STK26: variants seen among roughly 807,000 people sequenced by gnomAD.
STK26 encodes serine/threonine kinase 26.
In STK26, 14 loss-of-function variants were observed where a neutral mutation model predicts 34.7. The ratio of observed to expected loss-of-function variants is 0.40; its 90% CI spans 0.27 to 0.63. The LOEUF is 0.63. Ranked by LOEUF, STK26 falls within the 30% of genes least tolerant of loss-of-function variation. The probability of loss-of-function intolerance (pLI) is 0.38; values close to 1 mark genes in which losing one functional copy is unlikely to be tolerated. For missense variants in STK26, 226 were observed against 309.1 expected (o/e 0.73, Z 2.02); for synonymous variants, 100 against 109.8 (o/e 0.91, Z 0.56).
At chrX:132,040,950 G>A (rs770667694) in intron 2 of STK26, among the ~76,000 whole-genome samples, 155 of 111,784 alleles carry the variant, frequency 1.4e-3, no homozygotes, top group African/African-American at 4.6e-3. Flanking sequence ...GAATGAAAAT[G>A]ACCATCAGGC....
intron 2 of STK26, among the ~76,000 whole-genome samples, chrX:132,034,053 A>G: frequency 9.3e-6 from 1 of 107,642 alleles, no homozygotes; most frequent in Non-Finnish European, 1.9e-5. Context: ...ATGTATACAT[A>G]TGTAACTAAC....
chrX:132,073,841 A>C (rs1486565462), intron 11 of STK26, among the ~76,000 whole-genome samples: 3 of 111,358 alleles, frequency 2.7e-5, no homozygotes, highest in Admixed American at 9.6e-5. Flanking sequence ...ACACACTCTC[A>C]AAGATCTTTC....
chrX:132,050,774 T>C (rs764213667), intron 2 of STK26, among the ~76,000 whole-genome samples: 3 of 112,009 alleles, frequency 2.7e-5, no homozygotes, highest in Non-Finnish European at 5.6e-5. Flanking sequence ...ACTTTTAATG[T>C]ACAGAATTAG....
At chrX:132,036,482 C>A (rs929538074) in intron 2 of STK26, among the ~76,000 whole-genome samples, 1 of 111,514 alleles carries the variant, frequency 9.0e-6, no homozygotes, top group African/African-American at 3.3e-5. Flanking sequence ...ATAATCCCAG[C>A]TGCTCATGAG....
At chrX:132,030,285 C>A (rs952966870) in intron 2 of STK26, among the ~76,000 whole-genome samples, 5 of 110,388 alleles carry the variant, frequency 4.5e-5, no homozygotes, top group Non-Finnish European at 9.5e-5. Flanking sequence ...TGATTTCAGG[C>A]AAATTTGTTT....
intron 2 of STK26, among the ~76,000 whole-genome samples, chrX:132,051,125 G>C (rs745400517): frequency 2.8e-4 from 31 of 111,852 alleles, no homozygotes; most frequent in Non-Finnish European, 4.5e-4. Flanking sequence ...ATCCAAGAAG[G>C]CTTCTTCTAT....
chrX:132,069,057 C>T (rs183157114), intron 6 of STK26, among the ~76,000 whole-genome samples: 54 of 110,191 alleles, frequency 4.9e-4, no homozygotes, highest in African/African-American at 1.7e-3. Context: ...TTGCAACACC[C>T]TTCCCCCCAT....
chrX:132,055,572 G>A (rs1020011094), intron 3 of STK26: 103 of 991,342 alleles, frequency 1.0e-4, no homozygotes, highest in Non-Finnish European at 1.4e-4. Flanking sequence ...GTCAGGATTC[G>A]TGTCTGTTGA....
rs1246113021 is a variant in STK26, at chrX:132,063,459, A to G, written c.300A>G (p.Glu100=). Residue 100 remains glutamate, a synonymous_variant, in exon 4 of 12, where the codon GAA becomes GAG. Transcript: ENST00000394334. ...LKGSKLWIIM[E]YLGGGSALDL... is the part of the protein sequence containing the mutation. ...GGTCTAAATTATGGATAATAATGGAATACCTGGGCGGTGGTTCAGCACTGG... is the reference window on the plus strand; with the variant it reads ...GGTCTAAATTATGGATAATAATGGAGTACCTGGGCGGTGGTTCAGCACTGG... The G allele has an allele frequency of 8.3e-7, 1 of 1,207,896 alleles. No homozygotes were observed. The highest frequency in any genetic ancestry group is 1.7e-5 in the African/African-American group (1 of 57,309).
intron 11 of STK26, among the ~76,000 whole-genome samples, chrX:132,073,772 C>A (rs1927502644): frequency 9.0e-6 from 1 of 111,685 alleles, no homozygotes; most frequent in Admixed American, 9.5e-5. Flanking sequence ...CTTTATATTT[C>A]TTTGTGTTTG....
chrX:132,045,593 T>TAA (rs1337737296), intron 2 of STK26, among the ~76,000 whole-genome samples: 2 of 112,191 alleles, frequency 1.8e-5, no homozygotes, highest in East Asian at 5.6e-4. Flanking sequence ...CTGTAGTACT[T>TAA]ATGAGAAACC....
At chrX:132,065,127 A>T (rs1569335286) in intron 4 of STK26, among the ~76,000 whole-genome samples, 1 of 110,747 alleles carries the variant, frequency 9.0e-6, no homozygotes, top group Non-Finnish European at 1.9e-5. Flanking sequence ...GCCTGAGTTC[A>T]TTTTTTTTCT....
At chrX:132,024,508 G>A (rs2124114486) in intron 2 of STK26, among the ~76,000 whole-genome samples, 1 of 111,594 alleles carries the variant, frequency 9.0e-6, no homozygotes, top group South Asian at 3.7e-4. Context: ...TATCTGCTAA[G>A]TGTTATCCAA....
intron 3 of STK26, among the ~76,000 whole-genome samples, chrX:132,059,797 G>A (rs1413694581): frequency 1.8e-5 from 2 of 110,490 alleles, no homozygotes; most frequent in African/African-American, 3.3e-5. Context: ...AAAAAAAAAA[G>A]AATTGAATGA....
chrX:132,045,390 G>A (rs1926464255), intron 2 of STK26, among the ~76,000 whole-genome samples: 1 of 111,765 alleles, frequency 8.9e-6, no homozygotes, highest in African/African-American at 3.3e-5. Flanking sequence ...ATGAAGGAAG[G>A]GGAACAAAGG....
intron 10 of STK26, 29 bp downstream of exon 10, chrX:132,072,904 T>C (rs376405273): frequency 1.3e-5 from 16 of 1,205,541 alleles, no homozygotes; most frequent in Non-Finnish European, 1.8e-5. Flanking sequence ...GCCTTGGATA[T>C]CTGTGTTAAG....
At chrX:132,063,621 T>C (rs1048355670) in intron 4 of STK26, 132 bp downstream of exon 4, 1 of 527,555 alleles carries the variant, frequency 1.9e-6, no homozygotes, top group African/African-American at 2.4e-5. Context: ...CAAATTAAAT[T>C]CTTTTTTCAT....
chrX:132,043,862 A>G (rs1434701431), intron 2 of STK26, among the ~76,000 whole-genome samples: 1 of 111,650 alleles, frequency 9.0e-6, no homozygotes, highest in Non-Finnish European at 1.9e-5. Flanking sequence ...TTCTTTGAGT[A>G]TAGCTCCGTA....
intron 3 of STK26, 88 bp downstream of exon 3, chrX:132,054,949 T>G: frequency 1.2e-6 from 1 of 843,046 alleles, no homozygotes; most frequent in Non-Finnish European, 1.7e-6. Context: ...ATGTCTTAAA[T>G]TAGGATTTGG....
Sources: allele counts gnomAD v4.1 joint callset (sites outside exome capture counted in the v4.1 genomes callset), GRCh38; gene constraint gnomAD v4.1.1; transcripts MANE v1.5; gene names NCBI Gene and HGNC (gene_info 2026-07-23, HGNC 2026-07-21).